Variants in CAPZB observed in about 807,000 individuals in gnomAD.
CAPZB encodes the protein F-actin-capping protein subunit beta.
Under a neutral mutation model 38.1 loss-of-function variants are expected in CAPZB, and 2 were observed. The observed-to-expected ratio is 0.05, with a 90% CI of 0.02 to 0.17. CAPZB has a LOEUF of 0.17. CAPZB is among the 10% of genes least tolerant of loss of function. The probability of loss-of-function intolerance (pLI) is 1.00; values close to 1 mark genes in which losing one functional copy is unlikely to be tolerated. For missense variants in CAPZB, 161 were observed against 334.2 expected (o/e 0.48, Z 4.04); for synonymous variants, 107 against 127.4 (o/e 0.84, Z 1.08).
chr1:19,461,554 C>A lies in CAPZB; in HGVS notation c.3+23882G>T, dbSNP rs537962828. 3.9e-5 allele frequency among the ~76,000 whole-genome samples: 6 copies of A among 152,386 alleles called. No homozygotes were observed. The East Asian group carries it at 1.2e-3, about 29-fold the overall frequency. ...GCTTCCACGCATGCTTCCTGCTCAC[C>A]TCATCCTAAATCCTAAACCCGCAGG... is the stretch of plus-strand genomic sequence containing the variant. On this transcript the variant is annotated intron_variant, in intron 1 of 8. Coordinates refer to ENST00000264202, the MANE Select transcript of CAPZB (RefSeq NM_004930.5).
chr1:19,341,329 C>T (rs1457183567), intron 8 of CAPZB, among the ~76,000 whole-genome samples: 2 of 152,108 alleles, frequency 1.3e-5, no homozygotes, highest in African/African-American at 4.8e-5. Context: ...ACATGGCCAG[C>T]GGGAGATGCG....
At chr1:19,362,892 G>C (rs1050888361) in intron 4 of CAPZB, among the ~76,000 whole-genome samples, 3 of 151,956 alleles carry the variant, frequency 2.0e-5, no homozygotes, top group East Asian at 1.9e-4. Context: ...ACCATGAAGT[G>C]GGGGGGCCTC....
chr1:19,395,703 C>A (rs983156241), intron 2 of CAPZB, among the ~76,000 whole-genome samples: 1 of 152,222 alleles, frequency 6.6e-6, no homozygotes, highest in Non-Finnish European at 1.5e-5. Flanking sequence ...CATTTCCTGG[C>A]CAGGCACACA....
chr1:19,373,681 T>C (rs2094130873), intron 4 of CAPZB, among the ~76,000 whole-genome samples: 1 of 151,708 alleles, frequency 6.6e-6, no homozygotes, highest in African/African-American at 2.4e-5. Flanking sequence ...ATATTTTTTA[T>C]TTTTTAGTTT....
chr1:19,339,628 G>C lies in CAPZB; in HGVS notation c.732-11C>G. ...AAAGTCTGCACAGACCTGCAAGGGA[G>C]GAAAGGCGTTATCAGCAGATTGAAC... On this transcript the variant is annotated splice_polypyrimidine_tract_variant and intron_variant, in intron 8 of 8. Coordinates refer to ENST00000264202, the MANE Select transcript of CAPZB (RefSeq NM_004930.5). 1 of 1,604,642 alleles carries C rather than the reference G, an allele frequency of 6.2e-7. No individual in the cohort carries two copies. Among genetic ancestry groups the C allele is most frequent in the Non-Finnish European group, 8.5e-7 (1 of 1,171,358 alleles).
At chr1:19,482,559 T>C (rs2094633436) in intron 1 of CAPZB, among the ~76,000 whole-genome samples, 1 of 152,226 alleles carries the variant, frequency 6.6e-6, no homozygotes, top group Non-Finnish European at 1.5e-5. Context: ...GCTCTGAAAT[T>C]GTACAGCACT....
At position 19,419,656 on chromosome 1, in the gene CAPZB, C is replaced by T. The variant is rs1417967725; in HGVS notation, c.93+5G>A. 35 of 1,562,904 alleles carry T rather than the reference C, an allele frequency of 2.2e-5. No individual in the cohort carries two copies. Among genetic ancestry groups the T allele is most frequent in the Non-Finnish European group, 3.0e-5 (34 of 1,143,538 alleles). ...CAAATGGAACCATATGAAGGAGGCA[C>T]GTACCAGGTCGATCAGGTCGCTGAG... On this transcript the variant is annotated splice_donor_5th_base_variant and intron_variant, in intron 2 of 8. Transcript: ENST00000264202.
At chr1:19,348,125 G>A (rs537965357) in intron 6 of CAPZB, among the ~76,000 whole-genome samples, 2 of 152,264 alleles carry the variant, frequency 1.3e-5, no homozygotes, top group African/African-American at 4.8e-5. Flanking sequence ...CCCAGATAAG[G>A]GGCAGCATTC....
chr1:19,363,649 G>A (rs2094066714), intron 4 of CAPZB, among the ~76,000 whole-genome samples: 1 of 152,180 alleles, frequency 6.6e-6, no homozygotes, highest in South Asian at 2.1e-4. Flanking sequence ...GCTTTATGGA[G>A]TGTCTGAAGC....
intron 1 of CAPZB, among the ~76,000 whole-genome samples, chr1:19,467,002 C>T (rs900885403): frequency 5.9e-5 from 9 of 152,078 alleles, no homozygotes; most frequent in African/African-American, 2.2e-4. Flanking sequence ...CTCCAGGGAT[C>T]CTCCCGCCTC....
intron 1 of CAPZB, among the ~76,000 whole-genome samples, chr1:19,454,093 C>G (rs2094525509): frequency 6.6e-6 from 1 of 152,206 alleles, no homozygotes; most frequent in Admixed American, 6.5e-5. Flanking sequence ...GGCATCACAT[C>G]TTAGGTTTCT....
rs184277133 is a variant in CAPZB at position 19,399,724 on chromosome 1, G to A, written c.94-14098C>T. Among the ~76,000 whole-genome samples, 14 of 152,202 alleles carry A rather than the reference G, an allele frequency of 9.2e-5. No homozygotes were observed. The East Asian group carries it at 1.5e-3, about 17-fold the overall frequency. On this transcript the variant is annotated intron_variant, in intron 2 of 8. Coordinates refer to ENST00000264202, the MANE Select transcript of CAPZB (RefSeq NM_004930.5). ...ACCACCTTCTACCTGGTTTATTCAA[G>A]TTCTAAGATTTTGCTTAAAAAAAGG...
chr1:19,394,341 A>T (rs2094254398), intron 2 of CAPZB, among the ~76,000 whole-genome samples: 1 of 152,240 alleles, frequency 6.6e-6, no homozygotes, highest in South Asian at 2.1e-4. Flanking sequence ...TGAAGGCTGT[A>T]AGTTGTAAGA....
chr1:19,351,185 G>T (rs2093989712), intron 6 of CAPZB, among the ~76,000 whole-genome samples: 1 of 151,396 alleles, frequency 6.6e-6, no homozygotes, highest in South Asian at 2.1e-4. Flanking sequence ...GTTTCACCGT[G>T]TTGGTCAGGC....
intron 4 of CAPZB, among the ~76,000 whole-genome samples, chr1:19,361,823 T>C (rs1469558305): frequency 1.3e-5 from 2 of 152,196 alleles, no homozygotes; most frequent in African/African-American, 4.8e-5. Flanking sequence ...AGCACATACA[T>C]GGAAGCAGTT....
intron 1 of CAPZB, among the ~76,000 whole-genome samples, chr1:19,433,096 G>A (rs1478709287): frequency 6.6e-6 from 1 of 152,198 alleles, no homozygotes; most frequent in East Asian, 1.9e-4. Context: ...CCTTGTGTCT[G>A]ATCATTAATG....
intron 1 of CAPZB, among the ~76,000 whole-genome samples, chr1:19,482,125 C>T (rs1315943984): frequency 6.6e-6 from 1 of 152,220 alleles, no homozygotes; most frequent in East Asian, 1.9e-4. Context: ...CAGTCATGTC[C>T]TGTTCCCCAC....
intron 1 of CAPZB, among the ~76,000 whole-genome samples, chr1:19,454,564 C>T (rs774498320): frequency 2.0e-5 from 3 of 152,122 alleles, no homozygotes; most frequent in Non-Finnish European, 2.9e-5. Context: ...GAGTCACACA[C>T]GATCATCCCA....
intron 2 of CAPZB, among the ~76,000 whole-genome samples, chr1:19,403,329 A>G (rs535080286): frequency 1.6e-3 from 247 of 152,346 alleles, no homozygotes; most frequent in Middle Eastern, 3.4e-3. Flanking sequence ...TCCAAGAGAC[A>G]GGAGAAGCAA....
Sources: allele counts gnomAD v4.1 joint callset (sites outside exome capture counted in the v4.1 genomes callset), GRCh38; gene constraint gnomAD v4.1.1; transcripts MANE v1.5; gene names NCBI Gene and HGNC (gene_info 2026-07-23, HGNC 2026-07-21).